Variants in MTHFD1L observed in about 807,000 individuals in gnomAD.
MTHFD1L encodes methylenetetrahydrofolate dehydrogenase (NADP+ dependent) 1 like.
A neutral mutation model predicts 119.5 loss-of-function variants in MTHFD1L; 81 were observed. The ratio of observed to expected loss-of-function variants is 0.68; its 90% CI spans 0.57 to 0.82. The LOEUF (loss-of-function observed/expected upper bound fraction) is 0.82. MTHFD1L is among the 40% of genes least tolerant of loss of function. The pLI is 0.00. For synonymous variants in MTHFD1L, 430 were observed against 475.2 expected (o/e 0.90, Z 1.24); for missense variants, 1,125 against 1,253.4 (o/e 0.90, Z 1.55).
At position 151,015,095 on chromosome 6, in the gene MTHFD1L, T is replaced by C. The variant is rs925502554; in HGVS notation, c.2408+115T>C. ...TGCTTCATCTAAAAGTATACAGAAA[T>C]ACCCAGTTCTTTCTGTTTGTTTATT... is the stretch of plus-strand genomic sequence containing the variant. On this transcript the variant is annotated intron_variant, in intron 23 of 27. Coordinates refer to ENST00000367321, the MANE Select transcript of MTHFD1L (RefSeq NM_015440.5). The C allele has an allele frequency of 7.9e-6, 6 of 757,610 alleles. No homozygotes were observed. The Admixed American group carries it at 9.8e-5, about 12-fold the overall frequency. The allele number at this position is 757,610 out of a possible 1,614,324, so 46.9% of individuals were successfully genotyped here.
intron 26 of MTHFD1L, among the ~76,000 whole-genome samples, chr6:151,084,782 A>G (rs897912835): frequency 5.3e-5 from 8 of 151,474 alleles, no homozygotes; most frequent in African/African-American, 1.7e-4. Context: ...TGGCTAACAC[A>G]CGGTGAAACC....
At chr6:150,901,774 A>G (rs1785137074) in intron 7 of MTHFD1L, among the ~76,000 whole-genome samples, 1 of 152,240 alleles carries the variant, frequency 6.6e-6, no homozygotes, top group South Asian at 2.1e-4. Context: ...CTTGCTGGAC[A>G]AAGAACCTAC....
intron 8 of MTHFD1L, among the ~76,000 whole-genome samples, chr6:150,915,779 T>C (rs1012962377): frequency 1.3e-5 from 2 of 152,144 alleles, no homozygotes; most frequent in African/African-American, 4.8e-5. Flanking sequence ...TTTTTTTGTA[T>C]TTTTAGTAGA....
chr6:150,872,524 A>G (rs190532359), intron 1 of MTHFD1L, among the ~76,000 whole-genome samples: 87 of 152,304 alleles, frequency 5.7e-4, no homozygotes, highest in African/African-American at 1.9e-3. Flanking sequence ...ACACACCATC[A>G]TGAACCATCA....
intron 26 of MTHFD1L, among the ~76,000 whole-genome samples, chr6:151,059,824 G>A (rs981883734): frequency 4.6e-5 from 7 of 152,202 alleles, no homozygotes; most frequent in Non-Finnish European, 8.8e-5. Context: ...CTCTAACTCG[G>A]TGTCTTACAC....
chr6:150,897,281 C>T (rs1784390253), intron 7 of MTHFD1L, among the ~76,000 whole-genome samples: 1 of 152,088 alleles, frequency 6.6e-6, no homozygotes, highest in African/African-American at 2.4e-5. Flanking sequence ...TCCAGTTTTC[C>T]CAACATTACC....
At chr6:151,048,778 A>G (rs1225283620) in intron 26 of MTHFD1L, among the ~76,000 whole-genome samples, 1 of 152,254 alleles carries the variant, frequency 6.6e-6, no homozygotes, top group African/African-American at 2.4e-5. Flanking sequence ...TACGGATCAA[A>G]TATCCCACTG....
intron 9 of MTHFD1L, among the ~76,000 whole-genome samples, chr6:150,919,981 C>CAT (rs1788625203): frequency 6.6e-6 from 1 of 152,198 alleles, no homozygotes; most frequent in African/African-American, 2.4e-5. Flanking sequence ...ATGGCATACT[C>CAT]ACATGGCTGT....
intron 10 of MTHFD1L, among the ~76,000 whole-genome samples, chr6:150,925,681 T>C (rs1789830426): frequency 1.3e-5 from 2 of 152,246 alleles, no homozygotes; most frequent in Middle Eastern, 3.4e-3. Context: ...GTGATAGTAA[T>C]GTTCACATTT....
chr6:150,873,968 G>T (rs1214696113), intron 1 of MTHFD1L, among the ~76,000 whole-genome samples: 1 of 152,140 alleles, frequency 6.6e-6, no homozygotes, highest in Admixed American at 6.5e-5. Context: ...ACTGCACCTG[G>T]CCTGGAACCT....
chr6:150,917,330 C>T (rs1391725755), intron 8 of MTHFD1L, among the ~76,000 whole-genome samples: 4 of 151,992 alleles, frequency 2.6e-5, no homozygotes, highest in Non-Finnish European at 5.9e-5. Flanking sequence ...TGAGACCAGC[C>T]TGGCCAACAT....
At chr6:150,912,572 C>A in intron 8 of MTHFD1L, 1 of 341,270 alleles carries the variant, frequency 2.9e-6, no homozygotes, top group Admixed American at 3.3e-5. Flanking sequence ...GCAAAGTTCC[C>A]AGGGTGGTCT....
chr6:151,067,433 C>CGTGCCT (rs1291639067), intron 26 of MTHFD1L, among the ~76,000 whole-genome samples: 2 of 152,016 alleles, frequency 1.3e-5, no homozygotes, highest in Non-Finnish European at 2.9e-5. Flanking sequence ...AAGCAATTAT[C>CGTGCCT]GTGCCTCAGC....
chr6:151,095,668 A>G (rs1014514752), intron 27 of MTHFD1L, among the ~76,000 whole-genome samples: 2 of 152,200 alleles, frequency 1.3e-5, no homozygotes, highest in African/African-American at 4.8e-5. Flanking sequence ...ATTACTTCCA[A>G]TGTATCGGGC....
At chr6:150,876,858 G>A (rs188078061) in intron 2 of MTHFD1L, among the ~76,000 whole-genome samples, 405 of 152,316 alleles carry the variant, frequency 2.7e-3, no homozygotes, top group Non-Finnish European at 4.9e-3. Context: ...ACCGTGCTGC[G>A]TATTTCAGGA....
At chr6:150,894,259 A>C (rs1022197511) in intron 7 of MTHFD1L, among the ~76,000 whole-genome samples, 1 of 152,004 alleles carries the variant, frequency 6.6e-6, no homozygotes, top group Non-Finnish European at 1.5e-5. Flanking sequence ...TAGGCAAATC[A>C]CTCAGATCGT....
intron 26 of MTHFD1L, among the ~76,000 whole-genome samples, chr6:151,090,561 A>G (rs560565047): frequency 6.6e-6 from 1 of 150,488 alleles, no homozygotes; most frequent in East Asian, 1.9e-4. Context: ...GAGGCTGGTG[A>G]AGAGGGAAAC....
chr6:150,866,192 G>A, intron 1 of MTHFD1L, 143 bp downstream of exon 1: 1 of 1,365,272 alleles, frequency 7.3e-7, no homozygotes, highest in Non-Finnish European at 9.6e-7. Context: ...CGGGCGGTGT[G>A]TCGGGAAACG....
In MTHFD1L at chr6:151,008,663, G is replaced by C. The variant is rs147676807; in HGVS notation, c.2126-1156G>C. Among the ~76,000 whole-genome samples the C allele has an allele frequency of 7.2e-5, 11 of 152,296 alleles. No homozygotes were observed. The East Asian group carries it at 1.5e-3, about 21-fold the overall frequency. On this transcript the variant is annotated intron_variant, in intron 20 of 27. Transcript: ENST00000367321. ...CTGTGACCTTTCTAGCAACTGAGGG[G>C]GTGGGGACTAGAAACGAGTGTTTTC...
Sources: allele counts gnomAD v4.1 joint callset (sites outside exome capture counted in the v4.1 genomes callset), GRCh38; gene constraint gnomAD v4.1.1; transcripts MANE v1.5; gene names NCBI Gene and HGNC (gene_info 2026-07-23, HGNC 2026-07-21).